RBFOX1: variants seen among roughly 807,000 people sequenced by gnomAD.
RBFOX1 encodes RNA binding fox-1 homolog 1.
Under a neutral mutation model 57.7 loss-of-function variants are expected in RBFOX1, and 8 were observed. The observed-to-expected ratio is 0.14, with a 90% confidence interval of 0.08 to 0.25. The LOEUF is 0.25. Among genes scored for constraint, RBFOX1 ranks in the 10% least tolerant of loss-of-function variants. The pLI, the probability that RBFOX1 is intolerant of heterozygous loss-of-function variation, is 1.00. For missense variants in RBFOX1, 611 were observed against 548.5 expected, an observed-to-expected ratio of 1.11 and a Z score of -1.14; for synonymous variants, 326 against 222.4, an observed-to-expected ratio of 1.47 and a Z score of -4.15.
chr16:5,414,387 C>A (rs2067104326), intron 1 of RBFOX1, among the ~76,000 whole-genome samples: 1 of 152,170 alleles, frequency 6.6e-6, no homozygotes, highest in South Asian at 2.1e-4. Flanking sequence ...TGTGGGCTTG[C>A]TTAAAGCAGA....
chr16:7,574,997 G>T (rs2093185720), intron 5 of RBFOX1, among the ~76,000 whole-genome samples: 1 of 149,518 alleles, frequency 6.7e-6, no homozygotes, highest in Admixed American at 6.7e-5. Flanking sequence ...GTAGTAGAGG[G>T]AATGGTGACC....
At chr16:6,549,490 AGGAAGAGGAGGAGG>A (rs1333509827) in intron 2 of RBFOX1, among the ~76,000 whole-genome samples, 1 of 75,276 alleles carries the variant, frequency 1.3e-5, no homozygotes, top group Admixed American at 1.5e-4. Flanking sequence ...GGAGGGGAAG[AGGAAGAGGAGGAGG>A]GGAAGAGGAG....
intron 4 of RBFOX1, among the ~76,000 whole-genome samples, chr16:7,509,390 C>CTGTGTGTGTGTGTGTG (rs34760329): frequency 6.9e-6 from 1 of 145,056 alleles, no homozygotes; most frequent in East Asian, 2.1e-4. Flanking sequence ...GAGCCAAGCC[C>CTGTGTGTGTGTGTGTG]TGTGTGTGTG....
intron 2 of RBFOX1, among the ~76,000 whole-genome samples, chr16:6,458,152 G>A (rs1199259698): frequency 6.6e-6 from 1 of 152,210 alleles, no homozygotes; most frequent in African/African-American, 2.4e-5. Flanking sequence ...CAGTAACTGT[G>A]TGCAAACACG....
At chr16:7,667,711 C>T (rs543593201) in intron 13 of RBFOX1, among the ~76,000 whole-genome samples, 71 of 152,268 alleles carry the variant, frequency 4.7e-4, no homozygotes, top group Non-Finnish European at 9.4e-4. Context: ...GAGACAGACT[C>T]ACTGTGTCGC....
chr16:5,587,102 C>T lies in RBFOX1; in HGVS notation c.259-11800C>T, dbSNP rs143434725. On this transcript the variant is annotated intron_variant, in intron 2 of 2. Coordinates refer to the RBFOX1 transcript ENST00000585867. ...ATGGACATGGCCCATTGGTTATGCA[C>T]CTGAAACTGACATGACCAAGATGCT... is the stretch of plus-strand genomic sequence containing the variant. 1.3e-3 allele frequency among the ~76,000 whole-genome samples: 199 copies of T among 152,218 alleles called. 3 individuals are homozygous for T. The highest frequency in any genetic ancestry group is 4.5e-3 in the African/African-American group (189 of 41,548).
At chr16:6,794,570 C>T (rs940371646) in intron 3 of RBFOX1, among the ~76,000 whole-genome samples, 1 of 152,040 alleles carries the variant, frequency 6.6e-6, no homozygotes, top group Admixed American at 6.6e-5. Flanking sequence ...TTTGCATAGG[C>T]TGTTTAGCAG....
chr16:6,787,673 C>T (rs945305741), intron 3 of RBFOX1, among the ~76,000 whole-genome samples: 1 of 152,116 alleles, frequency 6.6e-6, no homozygotes, highest in Non-Finnish European at 1.5e-5. Flanking sequence ...GAGATTGCAT[C>T]CCTGAGTGAT....
chr16:6,592,103 A>G (rs980021471), intron 2 of RBFOX1, among the ~76,000 whole-genome samples: 1 of 152,206 alleles, frequency 6.6e-6, no homozygotes, highest in African/African-American at 2.4e-5. Flanking sequence ...TTCCAATGTC[A>G]GGGTAGGACG....
intron 4 of RBFOX1, among the ~76,000 whole-genome samples, chr16:7,357,679 G>C (rs143231643): frequency 6.6e-6 from 1 of 152,078 alleles, no homozygotes; most frequent in African/African-American, 2.4e-5. Flanking sequence ...ATTCAGTCTC[G>C]GTTGCAATGT....
intron 2 of RBFOX1, among the ~76,000 whole-genome samples, chr16:6,437,009 G>A (rs2094254760): frequency 6.6e-6 from 1 of 152,158 alleles, no homozygotes; most frequent in Non-Finnish European, 1.5e-5. Flanking sequence ...ATAGAGAGAA[G>A]AAACAGTCCC....
chr16:5,950,772 G>C (rs1485895442), intron 4 of RBFOX1, among the ~76,000 whole-genome samples: 2 of 152,126 alleles, frequency 1.3e-5, no homozygotes, highest in Non-Finnish European at 2.9e-5. Context: ...TGAGTAAGAT[G>C]CTTTTTTTTC....
chr16:5,287,877 G>A (rs1354649683), intron 1 of RBFOX1, among the ~76,000 whole-genome samples: 1 of 152,192 alleles, frequency 6.6e-6, no homozygotes, highest in Non-Finnish European at 1.5e-5. Context: ...CAGAGTCTTG[G>A]ATGCAGGGAG....
intron 2 of RBFOX1, among the ~76,000 whole-genome samples, chr16:6,449,766 T>C (rs2094553414): frequency 6.6e-6 from 1 of 152,338 alleles, no homozygotes. Context: ...TGGTGGCCCA[T>C]ATTTTATTAG....
At chr16:6,950,952 C>T (rs1228681660) in intron 3 of RBFOX1, among the ~76,000 whole-genome samples, 1 of 151,740 alleles carries the variant, frequency 6.6e-6, no homozygotes, top group African/African-American at 2.4e-5. Context: ...GTTTCTCAGG[C>T]TGGAGTGCAG....
intron 2 of RBFOX1, among the ~76,000 whole-genome samples, chr16:6,520,885 T>G (rs2096485407): frequency 6.6e-6 from 1 of 151,806 alleles, no homozygotes; most frequent in Non-Finnish European, 1.5e-5. Context: ...CAGACGTTGC[T>G]GAGAGAAAAA....
intron 4 of RBFOX1, among the ~76,000 whole-genome samples, chr16:7,146,738 C>T (rs188492507): frequency 2.3e-3 from 350 of 151,770 alleles, no homozygotes; most frequent in African/African-American, 7.8e-3. Context: ...CACTTGAGCC[C>T]AGGAGTGTGA....
intron 4 of RBFOX1, among the ~76,000 whole-genome samples, chr16:7,218,420 A>C (rs1309769859): frequency 6.6e-6 from 1 of 152,138 alleles, no homozygotes; most frequent in Non-Finnish European, 1.5e-5. Context: ...ATGGTGAAAG[A>C]GGGTGAGAGA....
At chr16:5,706,454 A>T (rs569815140) in intron 3 of RBFOX1, among the ~76,000 whole-genome samples, 9 of 152,244 alleles carry the variant, frequency 5.9e-5, no homozygotes, top group African/African-American at 2.2e-4. Context: ...CTCCCCCGTC[A>T]TTTATGCTGG....
Sources: allele counts gnomAD v4.1 joint callset (sites outside exome capture counted in the v4.1 genomes callset), GRCh38; gene constraint gnomAD v4.1.1; transcripts MANE v1.5; gene names NCBI Gene and HGNC (gene_info 2026-07-23, HGNC 2026-07-21).